NTM: variants seen among roughly 807,000 people sequenced by gnomAD.
NTM encodes the protein IgLON family member 2.
A neutral mutation model predicts 42.1 loss-of-function variants in NTM; 13 were observed. The ratio of observed to expected loss-of-function variants is 0.31; its 90% confidence interval spans 0.20 to 0.49. NTM has a LOEUF of 0.49. Among genes scored for constraint, NTM ranks in the 20% least tolerant of loss-of-function variants. The pLI is 0.99. For missense variants in NTM, 373 were observed against 452.8 expected, an observed-to-expected ratio of 0.82 and a Z score of 1.60; for synonymous variants, 187 against 179.2, an observed-to-expected ratio of 1.04 and a Z score of -0.35.
At chr11:132,190,521 A>T (rs1400189759) in intron 3 of NTM, among the ~76,000 whole-genome samples, 2 of 152,042 alleles carry the variant, frequency 1.3e-5, no homozygotes, top group African/African-American at 4.8e-5. Flanking sequence ...GTGGATTGTG[A>T]GGTCAGGAGT....
chr11:132,105,841 A>C (rs557810457), intron 2 of NTM, among the ~76,000 whole-genome samples: 49 of 152,238 alleles, frequency 3.2e-4, no homozygotes, highest in African/African-American at 1.1e-3. Context: ...TTTTAACCTA[A>C]AGATTGTTTC....
intron 1 of NTM, among the ~76,000 whole-genome samples, chr11:131,612,972 C>A (rs1381003917): frequency 6.6e-6 from 1 of 152,228 alleles, no homozygotes; most frequent in Admixed American, 6.5e-5. Flanking sequence ...GTGGAATTAT[C>A]CATAGCTGCT....
intron 3 of NTM, among the ~76,000 whole-genome samples, chr11:132,156,180 A>G (rs1043042695): frequency 3.9e-5 from 6 of 152,144 alleles, no homozygotes; most frequent in Non-Finnish European, 8.8e-5. Flanking sequence ...TTAGCCCAAG[A>G]GAGCCAATTC....
intron 4 of NTM, among the ~76,000 whole-genome samples, chr11:132,287,905 G>T (rs758378380): frequency 6.6e-6 from 1 of 152,144 alleles, no homozygotes; most frequent in South Asian, 2.1e-4. Flanking sequence ...GTGTATATGT[G>T]TCTATTTTGA....
chr11:131,526,493 C>T (rs976872294), intron 1 of NTM, among the ~76,000 whole-genome samples: 2 of 152,136 alleles, frequency 1.3e-5, no homozygotes, highest in Non-Finnish European at 2.9e-5. Flanking sequence ...GTAAAGAAAT[C>T]ATCTTTGTAC....
intron 1 of NTM, among the ~76,000 whole-genome samples, chr11:131,542,702 G>A (rs2053437218): frequency 6.6e-6 from 1 of 152,090 alleles, no homozygotes; most frequent in Non-Finnish European, 1.5e-5. Flanking sequence ...GAGCCTAAGT[G>A]TCTCCAGGTA....
At chr11:132,062,192 G>A (rs1270422423) in intron 2 of NTM, among the ~76,000 whole-genome samples, 2 of 152,214 alleles carry the variant, frequency 1.3e-5, no homozygotes, top group African/African-American at 4.8e-5. Context: ...GTCAGTAACA[G>A]TAAACCTGCC....
intron 3 of NTM, among the ~76,000 whole-genome samples, chr11:132,204,193 G>A (rs1352601287): frequency 6.6e-6 from 1 of 152,154 alleles, no homozygotes; most frequent in African/African-American, 2.4e-5. Flanking sequence ...AGGTAATATA[G>A]CCAAACACCT....
intron 4 of NTM, among the ~76,000 whole-genome samples, chr11:132,231,173 C>T (rs151253380): frequency 2.4e-4 from 37 of 152,256 alleles, no homozygotes; most frequent in South Asian, 4.2e-4. Flanking sequence ...AGTAAAGTGC[C>T]GGATGTGGCA....
At chr11:132,220,422 T>C (rs2138841754) in intron 4 of NTM, among the ~76,000 whole-genome samples, 1 of 152,354 alleles carries the variant, frequency 6.6e-6, no homozygotes, top group East Asian at 1.9e-4. Flanking sequence ...AATAGGGGTT[T>C]TTGTAAATTT....
At chr11:131,467,080 T>G (rs1455092862) in intron 1 of NTM, among the ~76,000 whole-genome samples, 1 of 152,208 alleles carries the variant, frequency 6.6e-6, no homozygotes, top group African/African-American at 2.4e-5. Context: ...TTCAGTAGTT[T>G]GAGAATGATG....
intron 1 of NTM, among the ~76,000 whole-genome samples, chr11:131,869,413 G>A (rs1307248762): frequency 3.9e-5 from 6 of 152,154 alleles, no homozygotes; most frequent in Non-Finnish European, 7.3e-5. Flanking sequence ...CTCTCCTTCG[G>A]GGTAGATGTG....
intron 3 of NTM, among the ~76,000 whole-genome samples, chr11:132,176,664 C>T (rs961421893): frequency 6.9e-6 from 1 of 145,240 alleles, no homozygotes; most frequent in Non-Finnish European, 1.5e-5. Context: ...TCTTAGTATT[C>T]TGGGGGTGAG....
chr11:132,128,820 C>T (rs996931723), intron 2 of NTM, among the ~76,000 whole-genome samples: 1 of 151,178 alleles, frequency 6.6e-6, no homozygotes, highest in African/African-American at 2.4e-5. Context: ...CACCTGTAGT[C>T]CCCGCTACTC....
chr11:132,227,908 C>T (rs565509661), intron 4 of NTM, among the ~76,000 whole-genome samples: 353 of 152,234 alleles, frequency 2.3e-3, no homozygotes, highest in Middle Eastern at 0.014. Context: ...GGACACAGAA[C>T]GATTTCTGCT....
At chr11:132,005,454 A>G (rs1343778797) in intron 2 of NTM, among the ~76,000 whole-genome samples, 5 of 152,310 alleles carry the variant, frequency 3.3e-5, no homozygotes, top group African/African-American at 1.2e-4. Flanking sequence ...TGGCAGACAG[A>G]TAGATAGTAG....
chr11:131,906,621 G>T (rs974629927), intron 1 of NTM, among the ~76,000 whole-genome samples: 8 of 152,088 alleles, frequency 5.3e-5, no homozygotes, highest in African/African-American at 1.7e-4. Context: ...CTTTCGCTGC[G>T]TCGGCACTTT....
intron 2 of NTM, among the ~76,000 whole-genome samples, chr11:132,041,231 TAGAGAGAGAGAG>T (rs10598969): frequency 6.9e-6 from 1 of 145,468 alleles, no homozygotes; most frequent in Admixed American, 6.8e-5. Context: ...GAGAGATAGA[TAGAGAGAGAGAG>T]AGAGAGAGAG....
chr11:132,318,204 G>A (rs913735417), intron 7 of NTM, among the ~76,000 whole-genome samples: 5 of 152,238 alleles, frequency 3.3e-5, no homozygotes, highest in Admixed American at 6.5e-5. Context: ...GTGCTACTGG[G>A]GTCCAGGTTA....
Sources: allele counts gnomAD v4.1 joint callset (sites outside exome capture counted in the v4.1 genomes callset), GRCh38; gene constraint gnomAD v4.1.1; transcripts MANE v1.5; gene names NCBI Gene and HGNC (gene_info 2026-07-23, HGNC 2026-07-21).